The following FMO3 variants were observed in gnomAD, a reference collection of about 807,000 sequenced individuals.
FMO3 encodes flavin containing dimethylaniline monoxygenase 3, also known as flavin-containing monooxygenase 3.
In FMO3, 40 loss-of-function variants were observed where a neutral mutation model predicts 39.4. That is an observed-to-expected ratio of 1.02 (90% CI 0.79 to 1.32). FMO3 has a LOEUF of 1.32. Among genes scored for constraint, FMO3 ranks in the 40% most tolerant of loss-of-function variants. The pLI is 0.00. For synonymous variants in FMO3, 219 were observed against 228.8 expected (o/e 0.96, Z 0.39); for missense variants, 680 against 651.8 (o/e 1.04, Z -0.47).
rs141897313 is a variant in FMO3 at position 171,115,038 on chromosome 1, G to A, written c.1183+676G>A. Among the ~76,000 whole-genome samples the A allele has an allele frequency of 2.6e-3, 394 of 152,308 alleles. 2 individuals carry two copies. Among genetic ancestry groups the A allele is most frequent in the African/African-American group, 8.8e-3 (364 of 41,564 alleles). On this transcript the variant is annotated intron_variant, in intron 7 of 8. Transcript: ENST00000367755. ...GAAAGGCAGGCAGCATCCCCCAGCA[G>A]CAGGCTGGAATACAGTTGTGGGGAG...
At chr1:171,098,836 G>T (rs1485299920) in intron 2 of FMO3, among the ~76,000 whole-genome samples, 1 of 152,178 alleles carries the variant, frequency 6.6e-6, no homozygotes, top group African/African-American at 2.4e-5. Flanking sequence ...TGTTGAATAG[G>T]AGTGGTGTGA....
At chr1:171,107,551 A>G in intron 3 of FMO3, 124 bp from the exon 4 acceptor site, 2 of 737,608 alleles carry the variant, frequency 2.7e-6, no homozygotes. Context: ...GGGAATTTTA[A>G]ATTTGTAATA....
chr1:171,100,260 G>C (rs927960522), intron 2 of FMO3: 1 of 152,160 alleles, frequency 6.6e-6, no homozygotes, highest in South Asian at 2.1e-4. Flanking sequence ...GAACCTGGCA[G>C]CATAGGTTGA....
intron 3 of FMO3, among the ~76,000 whole-genome samples, chr1:171,105,172 AAAT>A (rs1298729704): frequency 6.6e-6 from 1 of 152,220 alleles, no homozygotes; most frequent in Admixed American, 6.5e-5. Context: ...CCCATAAAGA[AAAT>A]AAACAGTTCC....
intron 2 of FMO3, among the ~76,000 whole-genome samples, chr1:171,102,087 C>G (rs1192118753): frequency 6.6e-6 from 1 of 152,190 alleles, no homozygotes; most frequent in Non-Finnish European, 1.5e-5. Flanking sequence ...CAGCAGAAAA[C>G]TCATGTCCTA....
At chr1:171,100,642 T>G in intron 2 of FMO3, 1 of 154,582 alleles carries the variant, frequency 6.5e-6, no homozygotes, top group Non-Finnish European at 1.4e-5. Flanking sequence ...ACTTTTGAAT[T>G]GAAAATATAT....
rs1654744464 is a variant in FMO3, at chr1:171,092,141, A to T, written c.-6-512A>T. ...AATTTTGGAGAGCTGATGACTAAAA[A>T]CAAAGTGCTTATTTTTTTTTCAGAA... On this transcript the variant is annotated intron_variant, in intron 1 of 8. Coordinates refer to ENST00000367755, the MANE Select transcript of FMO3 (RefSeq NM_001002294.3). 3.9e-5 allele frequency among the ~76,000 whole-genome samples: 6 copies of T among 152,186 alleles called. No individual in the cohort carries two copies. The South Asian group carries it at 1.2e-3, about 32-fold the overall frequency.
At position 171,117,076 on chromosome 1, in the gene FMO3, T is replaced by C. The variant is rs776254371; in HGVS notation, c.1257-24T>C. The C allele has an allele frequency of 4.5e-6, 7 of 1,557,758 alleles. No individual in the cohort carries two copies. In the East Asian group the frequency reaches 1.6e-4, roughly 35 times the overall value. On this transcript the variant is annotated intron_variant, in intron 8 of 8. Coordinates refer to ENST00000367755, the MANE Select transcript of FMO3 (RefSeq NM_001002294.3). ...CTACACAGAGTTTGGGTATCCACAGTGGTGTTTTCTCTCCCATCTCCAGGT... is the reference window on the plus strand; with the variant it reads ...CTACACAGAGTTTGGGTATCCACAGCGGTGTTTTCTCTCCCATCTCCAGGT...
At chr1:171,109,442 TATATGTGATTATTTGC>T (rs1193633380) in intron 5 of FMO3, among the ~76,000 whole-genome samples, 1 of 152,060 alleles carries the variant, frequency 6.6e-6, no homozygotes, top group East Asian at 1.9e-4. Context: ...TTTCTATTTG[TATATGTGATTATTTGC>T]ATATGTGATA....
Position 171,117,446 on chromosome 1 carries a change from T to C in FMO3, c.*4T>C, listed in dbSNP as rs201986708. 1.5e-4 allele frequency: 249 copies of C among 1,610,086 alleles called. 2 individuals carry two copies. The highest frequency in any genetic ancestry group is 2.5e-5 in the Non-Finnish European group (30 of 1,176,996). On this transcript the variant is annotated 3_prime_UTR_variant, in exon 9 of 9. Coordinates refer to ENST00000367755, the MANE Select transcript of FMO3 (RefSeq NM_001002294.3). ...TGTTTTCCTTGTGTTGACCTAATCA[T>C]CATTTTCTCTAGGATTTCTGAAAGT...
intron 6 of FMO3, among the ~76,000 whole-genome samples, chr1:171,111,863 T>C (rs1195148349): frequency 6.6e-6 from 1 of 152,072 alleles, no homozygotes; most frequent in African/African-American, 2.4e-5. Context: ...ACATTCTAAG[T>C]GGTGGGAAAC....
At chr1:171,099,282 T>C (rs991284270) in intron 2 of FMO3, among the ~76,000 whole-genome samples, 10 of 152,332 alleles carry the variant, frequency 6.6e-5, no homozygotes, top group Non-Finnish European at 1.5e-4. Context: ...ATAATTTCTG[T>C]TCTTTTACAT....
At chr1:171,105,073 T>A (rs908115117) in intron 3 of FMO3, among the ~76,000 whole-genome samples, 3 of 148,026 alleles carry the variant, frequency 2.0e-5, no homozygotes, top group Admixed American at 1.4e-4. Flanking sequence ...TTTAAAAAAA[T>A]CTTATCAAAA....
In FMO3 at chr1:171,108,151, G is replaced by A. The variant is rs143406401; in HGVS notation, c.557G>A (p.Arg186His). ...GAACCAGGTGTATTCAATGGAAAGCGTGTCCTGGTGGTTGGCCTGGGGAAT... is the reference window on the plus strand; with the variant it reads ...GAACCAGGTGTATTCAATGGAAAGCATGTCCTGGTGGTTGGCCTGGGGAAT... The part of the protein sequence containing the change: ...YKEPGVFNGK[R>H]VLVVGLGNSG... The change falls in exon 5 of 9, where the codon CGT becomes CAT. Residue 186 changes from arginine to histidine, a missense_variant. Coordinates refer to ENST00000367755, the MANE Select transcript of FMO3 (RefSeq NM_001002294.3). 5.9e-5 allele frequency: 95 copies of A among 1,613,896 alleles called. No individual in the cohort carries two copies. In the African/African-American group the frequency reaches 9.3e-4, roughly 16 times the overall value.
At chr1:171,092,568 G>C in intron 1 of FMO3, 85 bp from the exon 2 acceptor site, 5 of 1,515,970 alleles carry the variant, frequency 3.3e-6, no homozygotes, top group Non-Finnish European at 4.6e-6. Context: ...TTAAGCCAAA[G>C]AGCGAAATCA....
Position 171,092,769 on chromosome 1 carries a change from TGG to T in FMO3, c.115_116del (p.Gly39ProfsTer14). On this transcript the variant is annotated frameshift_variant, in exon 2 of 9. Transcript: ENST00000367755. LOFTEE classifies it high-confidence loss of function. ...PTCFEKSNDI[G>X]GLWKFSDHAE... ...CCTGCTTTGAGAAGAGCAATGACAT[TGG>T]GGGCCTGTGGAAATTTTCAGTGAGT... 1 of 1,613,928 alleles carries T rather than the reference TGG, an allele frequency of 6.2e-7. No individual in the cohort carries two copies. Among genetic ancestry groups the T allele is most frequent in the South Asian group, 1.1e-5 (1 of 91,078 alleles).
At chr1:171,093,012 C>T (rs1557930539) in intron 2 of FMO3, among the ~76,000 whole-genome samples, 1 of 152,034 alleles carries the variant, frequency 6.6e-6, no homozygotes, top group Non-Finnish European at 1.5e-5. Context: ...TACAGTTCTC[C>T]CTTGATAGAT....
intron 2 of FMO3, chr1:171,101,788 G>T: frequency 3.9e-6 from 2 of 506,474 alleles, no homozygotes; most frequent in East Asian, 5.7e-5. Context: ...ATAGGCCACG[G>T]ATCTGGGCAA....
rs998624978 is a variant in FMO3, at chr1:171,099,024, T to C, written c.133-4761T>C. On this transcript the variant is annotated intron_variant, in intron 2 of 8. Coordinates refer to ENST00000367755, the MANE Select transcript of FMO3 (RefSeq NM_001002294.3). Reference sequence around the variant, plus strand: ...ATTTTAGATCTTTCCTGCTTTCTCTTGTGGGCATTTAGTGCTATCAATTTC... The same window carrying C: ...ATTTTAGATCTTTCCTGCTTTCTCTCGTGGGCATTTAGTGCTATCAATTTC... 6.6e-5 allele frequency among the ~76,000 whole-genome samples: 10 copies of C among 152,314 alleles called. No homozygotes were observed. The East Asian group carries it at 1.9e-3, about 29-fold the overall frequency.
Sources: gnomAD v4.1 joint callset for allele counts (sites outside exome capture counted in the v4.1 genomes callset) on GRCh38, gnomAD v4.1.1 for gene constraint, MANE v1.5 for transcripts, NCBI Gene and HGNC (gene_info 2026-07-23, HGNC 2026-07-21) for gene names.